The following NLGN4X variants were observed in gnomAD, a reference collection of about 807,000 sequenced individuals.
NLGN4X encodes the protein neuroligin 4 X-linked.
Under a neutral mutation model 40.3 loss-of-function variants are expected in NLGN4X, and 3 were observed. That is an observed-to-expected ratio of 0.07 (90% confidence interval 0.03 to 0.19). The LOEUF (loss-of-function observed/expected upper bound fraction) is 0.19, where lower values mean the gene tolerates loss of function less well. NLGN4X is among the 10% of genes least tolerant of loss of function. NLGN4X has a pLI of 1.00. For missense variants in NLGN4X, 382 were observed against 708.3 expected (o/e 0.54, Z 5.23); for synonymous variants, 270 against 306.8 (o/e 0.88, Z 1.25).
intron 5 of NLGN4X, among the ~76,000 whole-genome samples, chrX:5,898,041 C>G (rs1012758188): frequency 2.0e-5 from 2 of 98,239 alleles, no homozygotes; most frequent in African/African-American, 7.4e-5. Flanking sequence ...TTCTCTCTCC[C>G]TCCATTTTTT....
chrX:6,176,930 A>C (rs1421136010), intron 1 of NLGN4X, among the ~76,000 whole-genome samples: 1 of 111,873 alleles, frequency 8.9e-6, no homozygotes, highest in African/African-American at 3.3e-5. Flanking sequence ...AGTTAATATA[A>C]AAAGCACTTG....
intron 2 of NLGN4X, among the ~76,000 whole-genome samples, chrX:6,054,782 C>T (rs751615114): frequency 1.8e-5 from 2 of 110,591 alleles, no homozygotes; most frequent in African/African-American, 6.6e-5. Flanking sequence ...CTCAGCCTCC[C>T]GAGTAGCTGG....
chrX:6,095,331 AAAC>A (rs1290392949), intron 2 of NLGN4X, among the ~76,000 whole-genome samples: 2 of 111,762 alleles, frequency 1.8e-5, no homozygotes, highest in African/African-American at 6.5e-5. Flanking sequence ...AATAGTTGCA[AAAC>A]AACAATGCCT....
rs1183176844 is a variant in NLGN4X at position 6,032,599 on chromosome X, G to A, written c.473-3167C>T. 6 of 529,300 alleles carry A rather than the reference G, an allele frequency of 1.1e-5. No homozygotes were observed. In the East Asian group the frequency reaches 2.0e-4, roughly 18 times the overall value. 43.6% of individuals were successfully genotyped at this position (529,300 alleles called of 1,213,427 possible). On this transcript the variant is annotated intron_variant, in intron 2 of 5. Transcript: ENST00000381095. The stretch of plus-strand genomic sequence containing the variant: ...AAAGTGTACTAGTTTTAAATAAGGG[G>A]AGAAAAAACAGATTGAAATGAAAAA...
At chrX:6,036,643 C>CACAA (rs1177520572) in intron 2 of NLGN4X, among the ~76,000 whole-genome samples, 3 of 109,322 alleles carry the variant, frequency 2.7e-5, no homozygotes, top group African/African-American at 1.0e-4. Context: ...CACACACACA[C>CACAA]AGCCCAAATA....
chrX:6,022,499 A>T (rs2036583235), intron 3 of NLGN4X, among the ~76,000 whole-genome samples: 1 of 112,183 alleles, frequency 8.9e-6, no homozygotes, highest in Non-Finnish European at 1.9e-5. Flanking sequence ...GGAGAAGAAC[A>T]TACAGGTCAT....
chrX:5,978,395 T>C (rs1458041638), intron 3 of NLGN4X, among the ~76,000 whole-genome samples: 1 of 106,298 alleles, frequency 9.4e-6, no homozygotes, highest in Non-Finnish European at 1.9e-5. Context: ...CTTCTATCTC[T>C]CTCTTCCTTT....
At chrX:5,946,145 G>A (rs776840066) in intron 3 of NLGN4X, among the ~76,000 whole-genome samples, 10 of 111,028 alleles carry the variant, frequency 9.0e-5, no homozygotes, top group African/African-American at 3.3e-4. Flanking sequence ...TCTGTGCCTT[G>A]TGGGTCCCTT....
chrX:5,950,626 A>AGG (rs2034276984), intron 3 of NLGN4X, among the ~76,000 whole-genome samples: 1 of 112,096 alleles, frequency 8.9e-6, no homozygotes, highest in Non-Finnish European at 1.9e-5. Flanking sequence ...CTGTACAAGG[A>AGG]GATGAAAGTG....
intron 1 of NLGN4X, among the ~76,000 whole-genome samples, chrX:6,207,490 T>G (rs1924137027): frequency 8.9e-6 from 1 of 112,345 alleles, no homozygotes; most frequent in Non-Finnish European, 1.9e-5. Flanking sequence ...TGTAACCAAA[T>G]TTTTAAAAAT....
At chrX:6,142,137 A>C (rs762852818) in intron 2 of NLGN4X, among the ~76,000 whole-genome samples, 1 of 112,491 alleles carries the variant, frequency 8.9e-6, no homozygotes, top group South Asian at 3.6e-4. Flanking sequence ...TATGACAAGA[A>C]TCTAAATTGC....
At chrX:6,149,385 C>T (rs1399277573) in intron 2 of NLGN4X, among the ~76,000 whole-genome samples, 1 of 112,000 alleles carries the variant, frequency 8.9e-6, no homozygotes, top group African/African-American at 3.2e-5. Flanking sequence ...CAATTTTAAC[C>T]CTTTGTCCTG....
chrX:6,000,788 C>T (rs2035952717), intron 3 of NLGN4X, among the ~76,000 whole-genome samples: 1 of 111,595 alleles, frequency 9.0e-6, no homozygotes, highest in African/African-American at 3.3e-5. Flanking sequence ...TCCCTGTCTT[C>T]TGAGCCCTTC....
intron 1 of NLGN4X, among the ~76,000 whole-genome samples, chrX:6,180,480 T>C (rs777383716): frequency 4.1e-4 from 46 of 111,717 alleles, no homozygotes; most frequent in African/African-American, 1.2e-3. Context: ...GTAAGTTCCC[T>C]GAGGACTCTC....
intron 1 of NLGN4X, among the ~76,000 whole-genome samples, chrX:6,189,482 G>T (rs1313171434): frequency 1.3e-4 from 15 of 112,233 alleles, no homozygotes; most frequent in Non-Finnish European, 3.8e-5. Flanking sequence ...TACTGATAAT[G>T]CCCAGTGGTT....
chrX:6,006,854 G>A (rs939818261), intron 3 of NLGN4X, among the ~76,000 whole-genome samples: 1 of 111,820 alleles, frequency 8.9e-6, no homozygotes, highest in Non-Finnish European at 1.9e-5. Flanking sequence ...TGGTGGGAAG[G>A]TAAATTAATA....
chrX:5,976,317 A>G (rs1352433691), intron 3 of NLGN4X, among the ~76,000 whole-genome samples: 1 of 112,345 alleles, frequency 8.9e-6, no homozygotes, highest in Non-Finnish European at 1.9e-5. Context: ...AGAAGGCTGA[A>G]ATTTCCAGAA....
At chrX:5,948,213 C>T (rs1005736484) in intron 3 of NLGN4X, among the ~76,000 whole-genome samples, 3 of 111,883 alleles carry the variant, frequency 2.7e-5, no homozygotes, top group African/African-American at 6.5e-5. Flanking sequence ...AAAATTTATA[C>T]TGTAAAAATA....
intron 2 of NLGN4X, among the ~76,000 whole-genome samples, chrX:6,142,541 T>C (rs746691297): frequency 7.1e-5 from 8 of 112,796 alleles, no homozygotes; most frequent in African/African-American, 2.6e-4. Context: ...AATTTAATTA[T>C]TTTCACCTAG....
Sources: gnomAD v4.1 joint callset for allele counts (sites outside exome capture counted in the v4.1 genomes callset) on GRCh38, gnomAD v4.1.1 for gene constraint, MANE v1.5 for transcripts, NCBI Gene and HGNC (gene_info 2026-07-23, HGNC 2026-07-21) for gene names.